The following UCP3 variants were observed in gnomAD, a reference collection of about 807,000 sequenced individuals.
The protein encoded by UCP3 is putative mitochondrial transporter UCP3.
In UCP3, 24 loss-of-function variants were observed where a neutral mutation model predicts 28.1. That is an observed-to-expected ratio of 0.85 (90% confidence interval 0.62 to 1.20). UCP3 has a LOEUF of 1.20. Among genes scored for constraint, UCP3 ranks in the 50% most tolerant of loss-of-function variants. UCP3 has a pLI of 0.00. For missense variants in UCP3, 397 were observed against 422.2 expected, an observed-to-expected ratio of 0.94 and a Z score of 0.52; for synonymous variants, 184 against 171.2, an observed-to-expected ratio of 1.07 and a Z score of -0.59.
Position 74,000,990 on chromosome 11 carries a change from G to A in UCP3, c.*422C>T, listed in dbSNP as rs1056159387. 3.1e-5 allele frequency: 7 copies of A among 225,552 alleles called. No individual in the cohort carries two copies. The highest frequency in any genetic ancestry group is 4.6e-5 in the African/African-American group (2 of 43,056). 14.0% of individuals were successfully genotyped at this position (225,552 alleles called of 1,614,324 possible). Reference sequence around the variant, plus strand: ...GCTGGGTGGCATCCCTCCAGGCTCCGTGGCTGATCTCCCACTCCATTGTGG... The same window carrying A: ...GCTGGGTGGCATCCCTCCAGGCTCCATGGCTGATCTCCCACTCCATTGTGG... On this transcript the variant is annotated 3_prime_UTR_variant, in exon 7 of 7. Transcript: ENST00000314032.
chr11:74,006,962 A>C lies in UCP3; in HGVS notation c.81T>G (p.Ala27=). 1 of 1,614,226 alleles carries C rather than the reference A, an allele frequency of 6.2e-7. No homozygotes were observed. Among genetic ancestry groups the C allele is most frequent in the South Asian group, 1.1e-5 (1 of 91,092 alleles). The change falls in exon 2 of 7, where the codon GCT becomes GCG. Residue 27 remains alanine, a synonymous_variant. Coordinates refer to ENST00000314032, the MANE Select transcript of UCP3 (RefSeq NM_003356.4). ...FLGAGTAACF[A]DLVTFPLDTA... Reference sequence around the variant, plus strand: ...TGTCCAGTGGAAAGGTAACGAGGTCAGCAAAACAGGCTGCTGTGCCTGCCC... The same window carrying C: ...TGTCCAGTGGAAAGGTAACGAGGTCCGCAAAACAGGCTGCTGTGCCTGCCC...
chr11:74,006,384 G>T lies in UCP3; in HGVS notation c.127-5C>A, dbSNP rs747722881. The T allele has an allele frequency of 1.3e-6, 2 of 1,554,572 alleles. No homozygotes were observed. The highest frequency in any genetic ancestry group is 3.6e-5 in the Admixed American group (2 of 55,430). On this transcript the variant is annotated splice_polypyrimidine_tract_variant and splice_region_variant and intron_variant, in intron 2 of 6. Coordinates refer to ENST00000314032, the MANE Select transcript of UCP3 (RefSeq NM_003356.4). ...CGCCTGGTTCTCCCCCTGGATCTGAGGGACAATAGCAGGGGGTGAGGACTC... is the reference window on the plus strand; with the variant it reads ...CGCCTGGTTCTCCCCCTGGATCTGATGGACAATAGCAGGGGGTGAGGACTC...
Position 74,001,504 on chromosome 11 carries a change from A to G in UCP3, c.847T>C (p.Leu283=). The change falls in exon 7 of 7, where the codon TTG becomes CTG. Residue 283 remains leucine (L), a synonymous_variant. Coordinates refer to ENST00000314032, the MANE Select transcript of UCP3 (RefSeq NM_003356.4). ...AACATCACCACGTTCCAGGATCCCA[A>G]ACGCAAAAAGGAGGGTGTAAATCTG... ...YKGFTPSFLR[L]GSWNVVMFVT... 6.2e-7 allele frequency: 1 copy of G among 1,614,150 alleles called. No homozygotes were observed. The highest frequency in any genetic ancestry group is 8.5e-7 in the Non-Finnish European group (1 of 1,180,012).
intron 1 of UCP3, among the ~76,000 whole-genome samples, chr11:74,007,818 T>C (rs1287645062): frequency 6.6e-6 from 1 of 152,034 alleles, no homozygotes. Context: ...TGGGCACAGG[T>C]AGGAGGTGCC....
Position 74,000,805 on chromosome 11 carries a change from C to T in UCP3, c.*607G>A, listed in dbSNP as rs1440249494. 1 of 152,444 alleles carries T rather than the reference C, an allele frequency of 6.6e-6. No homozygotes were observed. Among genetic ancestry groups the T allele is most frequent in the South Asian group, 2.1e-4 (1 of 4,828 alleles). The allele number at this position is 152,444 out of a possible 1,614,324, so 9.4% of individuals were successfully genotyped here. A position where few individuals can be genotyped will look rare whatever the true frequency, so the allele number is the denominator to read the frequency against. On this transcript the variant is annotated 3_prime_UTR_variant, in exon 7 of 7. Transcript: ENST00000314032. ...GTCAGGGAATATTTACGAGCCCCAG[C>T]CTCACATGGGCCCAGCAGGGCTTCT...
At position 74,007,100 on chromosome 11, in the gene UCP3, G is replaced by T; in HGVS notation, c.-58C>A. 1.2e-6 allele frequency: 2 copies of T among 1,604,308 alleles called. No homozygotes were observed. The highest frequency in any genetic ancestry group is 1.1e-5 in the South Asian group (1 of 90,468). ...GCCGAGAGGAGGTCCAAGGAGAGAG[G>T]CTGCTCCACAGCCCTGGGCTTCAGT... is the stretch of plus-strand genomic sequence containing the variant. On this transcript the variant is annotated 5_prime_UTR_variant, in exon 2 of 7. Coordinates refer to ENST00000314032, the MANE Select transcript of UCP3 (RefSeq NM_003356.4).
At chr11:74,004,367 T>C in intron 5 of UCP3, 117 bp downstream of exon 5, 1 of 944,726 alleles carries the variant, frequency 1.1e-6, no homozygotes, top group South Asian at 1.5e-5. Context: ...TACTAGGCAC[T>C]GCTTCTCTCT....
intron 6 of UCP3, chr11:74,002,320 T>C (rs1951627901): frequency 6.5e-6 from 1 of 152,890 alleles, no homozygotes; most frequent in South Asian, 2.1e-4. Flanking sequence ...GGACTCAGTT[T>C]GGGCACTGTG....
At position 74,005,842 on chromosome 11, in the gene UCP3, TC is replaced by T; in HGVS notation, c.428del (p.Arg143HisfsTer45). The T allele has an allele frequency of 6.2e-7, 1 of 1,614,152 alleles. No individual in the cohort carries two copies. The highest frequency in any genetic ancestry group is 1.1e-5 in the South Asian group (1 of 91,082). On this transcript the variant is annotated frameshift_variant, in exon 4 of 7. Coordinates refer to ENST00000314032, the MANE Select transcript of UCP3 (RefSeq NM_003356.4). LOFTEE classifies it high-confidence loss of function. ...CAQPTDVVKVRFQASIHLGPS... is the reference protein window; with the variant it reads ...CAQPTDVVKVXFQASIHLGPS... The stretch of plus-strand genomic sequence containing the variant: ...GCCCGAGGTGTATGCTGGCCTGAAA[TC>T]GGACCTTCACCACATCTGTGGGCTG...
chr11:74,004,460 C>G (rs756205603), intron 5 of UCP3, 24 bp downstream of exon 5: 5 of 1,611,922 alleles, frequency 3.1e-6, no homozygotes, highest in Non-Finnish European at 4.2e-6. Flanking sequence ...GGGAGAGCTG[C>G]CTGCCTGGAG....
intron 3 of UCP3, 59 bp from the exon 4 acceptor site, chr11:74,005,992 C>A: frequency 6.3e-7 from 1 of 1,595,938 alleles, no homozygotes; most frequent in Non-Finnish European, 8.5e-7. Flanking sequence ...CTGGGACATG[C>A]TGTTCTCTGC....
chr11:74,006,774 G>T, intron 2 of UCP3, 143 bp downstream of exon 2: 2 of 1,350,358 alleles, frequency 1.5e-6, no homozygotes, highest in Non-Finnish European at 2.1e-6. Flanking sequence ...ATGGGAGGAG[G>T]CAAGGAAGGG....
At chr11:74,003,027 ACACT>A in intron 6 of UCP3, 1 of 836,404 alleles carries the variant, frequency 1.2e-6, no homozygotes, top group South Asian at 5.5e-5. Context: ...AACTTTTCTG[ACACT>A]CAGTCTTTTC....
At chr11:74,003,108 G>C (rs540327173) in intron 6 of UCP3, 1 of 249,594 alleles carries the variant, frequency 4.0e-6, no homozygotes, top group Non-Finnish European at 6.4e-6. Flanking sequence ...AAAGTGCTCA[G>C]CACGAGGCCT....
In UCP3 at chr11:74,003,997, G is replaced by A. The variant is rs1366550119; in HGVS notation, c.654C>T (p.Pro218=). ...CTCCAAAGGCAGAGACAAAGTGGCAGGGGAAGTTGTCTGCAGAGGAAGGAC... is the reference window on the plus strand; with the variant it reads ...CTCCAAAGGCAGAGACAAAGTGGCAAGGGAAGTTGTCTGCAGAGGAAGGAC... The part of the protein sequence containing the change: ...LDYHLLTDNF[P]CHFVSAFGAG... Residue 218 remains proline (P), a synonymous_variant, in exon 6 of 7, where the codon CCC becomes CCT. Transcript: ENST00000314032. 1 of 1,613,966 alleles carries A rather than the reference G, an allele frequency of 6.2e-7. No individual in the cohort carries two copies. The highest frequency in any genetic ancestry group is 8.5e-7 in the Non-Finnish European group (1 of 1,180,040).
chr11:74,005,701 G>T, intron 4 of UCP3, 29 bp downstream of exon 4: 1 of 1,612,902 alleles, frequency 6.2e-7, no homozygotes, highest in Non-Finnish European at 8.5e-7. Context: ...CTCTGCCTAA[G>T]ACCGCCTGCG....
intron 3 of UCP3, 60 bp from the exon 4 acceptor site, chr11:74,005,993 T>C (rs1951662312): frequency 2.8e-5 from 44 of 1,596,664 alleles, no homozygotes; most frequent in Non-Finnish European, 3.6e-5. Context: ...TGGGACATGC[T>C]GTTCTCTGCG....
At chr11:74,007,619 T>TG (rs1053717378) in intron 1 of UCP3, among the ~76,000 whole-genome samples, 5 of 152,068 alleles carry the variant, frequency 3.3e-5, no homozygotes, top group African/African-American at 1.2e-4. Flanking sequence ...TTTGTAGAGA[T>TG]GGGGGTCTCT....
intron 6 of UCP3, chr11:74,003,501 G>A (rs1951635563): frequency 9.6e-7 from 1 of 1,044,100 alleles, no homozygotes. Context: ...AGACAGTGAG[G>A]AAGGCACTGG....
Sources: gnomAD v4.1 joint callset for allele counts (sites outside exome capture counted in the v4.1 genomes callset) on GRCh38, gnomAD v4.1.1 for gene constraint, MANE v1.5 for transcripts, NCBI Gene and HGNC (gene_info 2026-07-23, HGNC 2026-07-21) for gene names.